Variants in KIAA1217 observed in about 807,000 individuals in gnomAD.
KIAA1217 encodes KIAA1217.
Under a neutral mutation model 163.9 loss-of-function variants are expected in KIAA1217, and 88 were observed. That is an observed-to-expected ratio of 0.54 (90% CI 0.45 to 0.64). The LOEUF is 0.64. Ranked by LOEUF, KIAA1217 falls within the 30% of genes least tolerant of loss-of-function variation. The pLI is 0.00. For synonymous variants in KIAA1217, 903 were observed against 923.1 expected (o/e 0.98, Z 0.39); for missense variants, 2,372 against 2,475.0 (o/e 0.96, Z 0.88).
At chr10:23,928,718 G>T (rs573025605) in intron 1 of KIAA1217, among the ~76,000 whole-genome samples, 2 of 152,118 alleles carry the variant, frequency 1.3e-5, no homozygotes, top group African/African-American at 2.4e-5. Flanking sequence ...ATTATTATCC[G>T]CATTTTACAG....
chr10:23,839,911 G>A (rs1838688293), intron 1 of KIAA1217, among the ~76,000 whole-genome samples: 2 of 152,136 alleles, frequency 1.3e-5, no homozygotes, highest in African/African-American at 4.8e-5. Flanking sequence ...GTACAGAAAA[G>A]AAGGGCATAC....
At chr10:24,536,147 G>T (rs2073974322) in intron 16 of KIAA1217, among the ~76,000 whole-genome samples, 1 of 152,158 alleles carries the variant, frequency 6.6e-6, no homozygotes, top group Non-Finnish European at 1.5e-5. Context: ...GTTCACAAGA[G>T]CCAACAGTTG....
At chr10:24,352,503 C>CT (rs200657968) in intron 2 of KIAA1217, among the ~76,000 whole-genome samples, 2,574 of 151,720 alleles carry the variant, frequency 0.017, 71 homozygotes, top group African/African-American at 0.05. Context: ...AAAGTATAAT[C>CT]TTTTTTTTTG....
chr10:24,283,767 T>C (rs1476942838), intron 2 of KIAA1217, among the ~76,000 whole-genome samples: 1 of 152,228 alleles, frequency 6.6e-6, no homozygotes, highest in Non-Finnish European at 1.5e-5. Context: ...TTCCTGTTGC[T>C]CTGCATCCTG....
chr10:24,347,125 G>A (rs2047891500), intron 2 of KIAA1217, among the ~76,000 whole-genome samples: 1 of 152,084 alleles, frequency 6.6e-6, no homozygotes. Flanking sequence ...GTTTAGGCAG[G>A]TGCAGGAGTC....
chr10:24,392,830 G>C (rs1344590946), intron 3 of KIAA1217, among the ~76,000 whole-genome samples: 1 of 152,152 alleles, frequency 6.6e-6, no homozygotes, highest in Non-Finnish European at 1.5e-5. Flanking sequence ...TGAGGAAAAA[G>C]ATTTTGTTTA....
At chr10:23,808,481 T>A (rs1453018272) in intron 1 of KIAA1217, among the ~76,000 whole-genome samples, 4 of 152,162 alleles carry the variant, frequency 2.6e-5, no homozygotes, top group Non-Finnish European at 4.4e-5. Flanking sequence ...CAAGTGCTCT[T>A]ATAAAACTGT....
chr10:23,935,995 G>A (rs1843510197), intron 1 of KIAA1217, among the ~76,000 whole-genome samples: 1 of 152,186 alleles, frequency 6.6e-6, no homozygotes, highest in Non-Finnish European at 1.5e-5. Context: ...CCTAATAGGA[G>A]CCATGATGTA....
chr10:24,030,166 AT>A (rs1311902623), intron 2 of KIAA1217, among the ~76,000 whole-genome samples: 1 of 152,190 alleles, frequency 6.6e-6, no homozygotes, highest in Non-Finnish European at 1.5e-5. Context: ...AAAATTCACC[AT>A]TTTAAGCATT....
At position 24,524,417 on chromosome 10, in the gene KIAA1217, A is replaced by G; in HGVS notation, c.2551A>G (p.Ser851Gly). Residue 851 changes from serine (S) to glycine (G), a missense_variant, in exon 13 of 21, where the codon AGT becomes GGT. By Grantham distance (56) the Ser-to-Gly change is moderately conservative. Around this residue, in one of 3 missense-constraint regions of KIAA1217, gnomAD observed 1,431 missense variants for 1,470.3 expected, o/e 0.97. Transcript: ENST00000376454. ...EKATAAEVLK[S>G]QEEAAHTSGQ... ...GGCCACAGCCGCAGAAGTCCTGAAG[A>G]GTCAGGAGGAGGCAGCCCACACCTC... 1 of 1,614,202 alleles carries G rather than the reference A, an allele frequency of 6.2e-7. No individual in the cohort carries two copies.
At chr10:24,469,595 G>T (rs2063286139) in intron 5 of KIAA1217, among the ~76,000 whole-genome samples, 1 of 152,106 alleles carries the variant, frequency 6.6e-6, no homozygotes, top group African/African-American at 2.4e-5. Flanking sequence ...CATACCAAGA[G>T]GGTTCTAGAT....
intron 1 of KIAA1217, among the ~76,000 whole-genome samples, chr10:23,964,433 C>T (rs952629026): frequency 6.6e-6 from 1 of 151,970 alleles, no homozygotes; most frequent in African/African-American, 2.4e-5. Flanking sequence ...TTATTAGATC[C>T]CATTTGTCAA....
chr10:24,026,742 A>ATTTTTTTTTTTTTTTTTTTCTTTTT (rs1847957115), intron 2 of KIAA1217, among the ~76,000 whole-genome samples: 1 of 70,094 alleles, frequency 1.4e-5, no homozygotes, highest in Non-Finnish European at 2.7e-5. Flanking sequence ...TATTTCATTG[A>ATTTTTTTTTTTTTTTTTTTCTTTTT]TTTTTTTTTT....
intron 1 of KIAA1217, among the ~76,000 whole-genome samples, chr10:23,932,784 A>C (rs1183669104): frequency 6.6e-6 from 1 of 152,222 alleles, no homozygotes; most frequent in African/African-American, 2.4e-5. Flanking sequence ...TGGCAGATAT[A>C]AAAGACCTGG....
At chr10:23,816,357 A>G (rs1373498453) in intron 1 of KIAA1217, among the ~76,000 whole-genome samples, 1 of 152,090 alleles carries the variant, frequency 6.6e-6, no homozygotes, top group Non-Finnish European at 1.5e-5. Flanking sequence ...CAGTGGTGCT[A>G]TCTCGGCTCA....
intron 8 of KIAA1217, among the ~76,000 whole-genome samples, chr10:24,501,096 A>AC (rs202240941): frequency 1.9e-3 from 285 of 151,572 alleles, no homozygotes; most frequent in African/African-American, 6.3e-3. Context: ...ATAAAAAAAA[A>AC]ATAAACAAAA....
At chr10:23,933,478 GT>G (rs1238327166) in intron 1 of KIAA1217, among the ~76,000 whole-genome samples, 3 of 152,002 alleles carry the variant, frequency 2.0e-5, no homozygotes, top group Admixed American at 6.6e-5. Context: ...TGATCACTAA[GT>G]TTTTTTCCAG....
chr10:24,250,166 A>G (rs1590219347), intron 2 of KIAA1217, among the ~76,000 whole-genome samples: 1 of 152,276 alleles, frequency 6.6e-6, no homozygotes, highest in East Asian at 1.9e-4. Context: ...TGTCAAAAGC[A>G]TTTGTTAAGC....
chr10:24,248,183 A>G (rs1350621007), intron 2 of KIAA1217, among the ~76,000 whole-genome samples: 1 of 152,144 alleles, frequency 6.6e-6, no homozygotes, highest in African/African-American at 2.4e-5. Context: ...TTCCAGTGGC[A>G]TCTTCCCTTG....
Sources: allele counts gnomAD v4.1 joint callset (sites outside exome capture counted in the v4.1 genomes callset), GRCh38; gene constraint gnomAD v4.1.1; regional missense constraint gnomAD v4.1.1; transcripts MANE v1.5; gene names NCBI Gene and HGNC (gene_info 2026-07-23, HGNC 2026-07-21).